WAC: variants seen among roughly 807,000 people sequenced by gnomAD.
The protein encoded by WAC is WW domain containing adaptor with coiled-coil.
A neutral mutation model predicts 79.6 loss-of-function variants in WAC; 11 were observed. That is an observed-to-expected ratio of 0.14 (90% CI 0.09 to 0.23). The LOEUF (loss-of-function observed/expected upper bound fraction) is 0.23, where lower values mean the gene tolerates loss of function less well. WAC is among the 10% of genes least tolerant of loss of function. The probability of loss-of-function intolerance (pLI) is 1.00; values close to 1 mark genes in which losing one functional copy is unlikely to be tolerated. For synonymous variants in WAC, 304 were observed against 276.9 expected (o/e 1.10, Z -0.97); for missense variants, 728 against 773.5 (o/e 0.94, Z 0.70).
intron 4 of WAC, among the ~76,000 whole-genome samples, chr10:28,588,056 G>T (rs1174235172): frequency 1.3e-5 from 2 of 152,120 alleles, no homozygotes; most frequent in African/African-American, 4.8e-5. Context: ...AGACCATACT[G>T]ACCTCTGGTG....
In WAC at chr10:28,610,697, A is replaced by G; in HGVS notation, c.1166-2A>G. On this transcript the variant is annotated splice_acceptor_variant, in intron 8 of 13. Transcript: ENST00000354911. LOFTEE classifies it high-confidence loss of function. ...TGAATGTATGAAATAATATGTTTTT[A>G]GTTCTTACAGCAGCTGTGACACAAG... 6.2e-7 allele frequency: 1 copy of G among 1,605,234 alleles called. No homozygotes were observed. Among genetic ancestry groups the G allele is most frequent in the Non-Finnish European group, 8.5e-7 (1 of 1,177,754 alleles).
intron 3 of WAC, among the ~76,000 whole-genome samples, chr10:28,570,034 T>A (rs1226571130): frequency 6.6e-6 from 1 of 152,204 alleles, no homozygotes; most frequent in East Asian, 1.9e-4. Context: ...AGTTTTAGAA[T>A]AAATACTGCT....
At chr10:28,569,075 A>G (rs1564391759) in intron 3 of WAC, among the ~76,000 whole-genome samples, 1 of 152,182 alleles carries the variant, frequency 6.6e-6, no homozygotes, top group South Asian at 2.1e-4. Flanking sequence ...CTGGATACTA[A>G]ATAGAAAAAT....
At position 28,533,550 on chromosome 10, in the gene WAC, C is replaced by G; in HGVS notation, c.-30C>G. 1 of 1,440,818 alleles carries G rather than the reference C, an allele frequency of 6.9e-7. No homozygotes were observed. The highest frequency in any genetic ancestry group is 9.3e-7 in the Non-Finnish European group (1 of 1,080,678). 89.3% of individuals were successfully genotyped at this position (1,440,818 alleles called of 1,614,324 possible). A position where few individuals can be genotyped will look rare whatever the true frequency, so the allele number is the denominator to read the frequency against. The stretch of plus-strand genomic sequence containing the variant: ...GCCTTTCGCGGCCGCTCTCCCCCCT[C>G]CCCGACACACACTCACAGGCCGGGC... On this transcript the variant is annotated 5_prime_UTR_variant, in exon 1 of 14. Coordinates refer to ENST00000354911, the MANE Select transcript of WAC (RefSeq NM_016628.5).
At position 28,589,865 on chromosome 10, in the gene WAC, A is replaced by C. The variant is rs200450337; in HGVS notation, c.497+14A>C. 16 of 1,538,808 alleles carry C rather than the reference A, an allele frequency of 1.0e-5. No homozygotes were observed. The highest frequency in any genetic ancestry group is 1.3e-5 in the Non-Finnish European group (15 of 1,112,172). ...GTGGCTTGAAAGGTAATTAGCTTTT[A>C]ATCTAATTAAACATTATTTCTCTAG... On this transcript the variant is annotated intron_variant, in intron 5 of 13. Coordinates refer to ENST00000354911, the MANE Select transcript of WAC (RefSeq NM_016628.5).
intron 7 of WAC, among the ~76,000 whole-genome samples, chr10:28,606,796 T>C (rs1324033543): frequency 6.6e-6 from 1 of 152,242 alleles, no homozygotes; most frequent in African/African-American, 2.4e-5. Context: ...GGTGTGTACC[T>C]AAAGGGGAAT....
chr10:28,563,940 T>C (rs1838451330), intron 3 of WAC, among the ~76,000 whole-genome samples: 1 of 151,900 alleles, frequency 6.6e-6, no homozygotes, highest in Non-Finnish European at 1.5e-5. Context: ...TAAAATATTA[T>C]TTGAATAGAG....
At chr10:28,577,241 A>AT (rs940860502) in intron 3 of WAC, among the ~76,000 whole-genome samples, 3 of 152,000 alleles carry the variant, frequency 2.0e-5, no homozygotes, top group Non-Finnish European at 4.4e-5. Flanking sequence ...GTGTGTACAA[A>AT]TTTTTTTTAG....
chr10:28,533,702 G>T, intron 1 of WAC, 82 bp downstream of exon 1: 1 of 1,470,494 alleles, frequency 6.8e-7, no homozygotes, highest in East Asian at 2.6e-5. Flanking sequence ...GGAGCTGGCC[G>T]GGCCGCCATT....
Position 28,535,842 on chromosome 10 carries a change from A to G in WAC, c.274+85A>G, listed in dbSNP as rs934182819. ...GGCGGCAGTAGTATTTCTAGCTTGA[A>G]GAAGTTACTGTTCAGTTATGTCATT... On this transcript the variant is annotated intron_variant, in intron 3 of 13. Coordinates refer to ENST00000354911, the MANE Select transcript of WAC (RefSeq NM_016628.5). 1.9e-4 allele frequency: 227 copies of G among 1,176,204 alleles called. 1 individual carries two copies. The highest frequency in any genetic ancestry group is 2.3e-4 in the Non-Finnish European group (191 of 840,248). 72.9% of individuals were successfully genotyped at this position (1,176,204 alleles called of 1,614,324 possible).
chr10:28,585,121 T>TTGGTTAAGCAGATA (rs1839748378), intron 4 of WAC, among the ~76,000 whole-genome samples: 2 of 151,946 alleles, frequency 1.3e-5, no homozygotes, highest in African/African-American at 4.8e-5. Flanking sequence ...ATATATGGGA[T>TTGGTTAAGCAGATA]TGGTTAAGCA....
intron 9 of WAC, chr10:28,611,026 C>T: frequency 3.3e-6 from 2 of 609,614 alleles, no homozygotes; most frequent in Non-Finnish European, 5.2e-6. Context: ...CAAGCTTTGA[C>T]ATTTGTCTTA....
intron 6 of WAC, among the ~76,000 whole-genome samples, chr10:28,593,967 G>C (rs754683237): frequency 6.6e-6 from 1 of 152,052 alleles, no homozygotes; most frequent in African/African-American, 2.4e-5. Flanking sequence ...TTCCTGTTTT[G>C]TAGGTTGTTG....
At chr10:28,583,563 A>G in intron 4 of WAC, 58 bp downstream of exon 4, 2 of 1,286,122 alleles carry the variant, frequency 1.6e-6, no homozygotes, top group Non-Finnish European at 2.1e-6. Context: ...AAAAAAAAAA[A>G]AAAAATACAA....
rs1840339063 is a variant in WAC, at chr10:28,595,875, A to G, written c.753A>G (p.Lys251=). The G allele has an allele frequency of 6.2e-7, 1 of 1,613,926 alleles. No individual in the cohort carries two copies. Among genetic ancestry groups the G allele is most frequent in the African/African-American group, 1.3e-5 (1 of 74,888 alleles). Residue 251 remains lysine (K), a synonymous_variant, in exon 7 of 14, where the codon AAA becomes AAG. Transcript: ENST00000354911. ...SSSTPVQHPI[K]PVVHPTATPS... ...CTACGCCAGTACAGCACCCCATCAA[A>G]CCAGTGGTTCATCCAACTGCTACCC...
At chr10:28,605,431 G>T (rs1453708574) in intron 7 of WAC, among the ~76,000 whole-genome samples, 1 of 152,074 alleles carries the variant, frequency 6.6e-6, no homozygotes, top group African/African-American at 2.4e-5. Context: ...GTCTGTTGAG[G>T]ACTAATACCT....
intron 6 of WAC, among the ~76,000 whole-genome samples, chr10:28,592,516 A>G (rs953101159): frequency 6.6e-6 from 1 of 151,984 alleles, no homozygotes; most frequent in Non-Finnish European, 1.5e-5. Context: ...AGCCACTCGG[A>G]AGGCTGAGAC....
At chr10:28,590,930 T>G (rs1232061752) in intron 6 of WAC, 98 bp downstream of exon 6, 1 of 945,834 alleles carries the variant, frequency 1.1e-6, no homozygotes, top group Non-Finnish European at 1.6e-6. Context: ...TAAATTAAAA[T>G]AAATAGAAAC....
At chr10:28,609,891 T>C (rs911879142) in intron 8 of WAC, among the ~76,000 whole-genome samples, 10 of 151,518 alleles carry the variant, frequency 6.6e-5, no homozygotes, top group Admixed American at 5.3e-4. Context: ...TAATAAAATA[T>C]CTTACACATC....
Sources: allele counts gnomAD v4.1 joint callset (sites outside exome capture counted in the v4.1 genomes callset), GRCh38; gene constraint gnomAD v4.1.1; transcripts MANE v1.5; gene names NCBI Gene and HGNC (gene_info 2026-07-23, HGNC 2026-07-21).